ZNRF3: variants seen among roughly 807,000 people sequenced by gnomAD.
ZNRF3 encodes the protein zinc and ring finger 3.
ZNRF3 carries 23 observed loss-of-function variants against 72.5 expected under a neutral mutation model. The observed-to-expected ratio is 0.32, with a 90% confidence interval of 0.23 to 0.45. The LOEUF is 0.45. Among genes scored for constraint, ZNRF3 ranks in the 20% least tolerant of loss-of-function variants. ZNRF3 has a pLI of 1.00. For missense variants in ZNRF3, 1,169 were observed against 1,272.1 expected (o/e 0.92, Z 1.23); for synonymous variants, 610 against 545.3 (o/e 1.12, Z -1.65).
intron 2 of ZNRF3, among the ~76,000 whole-genome samples, chr22:29,021,852 T>G (rs1430614150): frequency 6.6e-6 from 1 of 152,058 alleles, no homozygotes; most frequent in Non-Finnish European, 1.5e-5. Context: ...AAGTGCACAA[T>G]TTGTTAAGGT....
intron 2 of ZNRF3, chr22:29,025,280 C>G (rs2036611200): frequency 6.6e-6 from 1 of 152,176 alleles, no homozygotes; most frequent in Non-Finnish European, 1.5e-5. Flanking sequence ...CCATACCCAG[C>G]CTCTATGCCA....
At chr22:28,907,655 T>G (rs1333146391) in intron 1 of ZNRF3, among the ~76,000 whole-genome samples, 1 of 152,230 alleles carries the variant, frequency 6.6e-6, no homozygotes, top group Non-Finnish European at 1.5e-5. Context: ...CTGCAGAGTT[T>G]CATTGTCTGA....
intron 1 of ZNRF3, among the ~76,000 whole-genome samples, chr22:28,983,634 G>A (rs1030829436): frequency 6.6e-5 from 10 of 152,134 alleles, no homozygotes; most frequent in African/African-American, 2.2e-4. Flanking sequence ...AAGTCTTTGC[G>A]TCATGGATGT....
chr22:28,949,061 C>T (rs1445199300), intron 1 of ZNRF3, among the ~76,000 whole-genome samples: 1 of 152,094 alleles, frequency 6.6e-6, no homozygotes, highest in African/African-American at 2.4e-5. Flanking sequence ...CTCACTGCAA[C>T]CTCTGCCTTC....
intron 1 of ZNRF3, among the ~76,000 whole-genome samples, chr22:28,979,193 C>G (rs2035724724): frequency 6.6e-6 from 1 of 152,190 alleles, no homozygotes; most frequent in African/African-American, 2.4e-5. Context: ...AGCCATCGTC[C>G]TGGGATTTCT....
chr22:29,037,635 T>C (rs1262576300), intron 2 of ZNRF3, among the ~76,000 whole-genome samples: 1 of 152,174 alleles, frequency 6.6e-6, no homozygotes, highest in Non-Finnish European at 1.5e-5. Context: ...AGGGCGCAAG[T>C]GTTTGCTCTT....
intron 1 of ZNRF3, among the ~76,000 whole-genome samples, chr22:28,961,976 G>A (rs1249144261): frequency 1.3e-5 from 2 of 152,130 alleles, no homozygotes; most frequent in Non-Finnish European, 2.9e-5. Context: ...ATTCAAGCTG[G>A]TCCTGACTTT....
intron 2 of ZNRF3, among the ~76,000 whole-genome samples, chr22:29,007,015 G>A (rs983972330): frequency 6.6e-6 from 1 of 152,238 alleles, no homozygotes; most frequent in Non-Finnish European, 1.5e-5. Context: ...CATTCCTACT[G>A]TATGCCAGGT....
intron 1 of ZNRF3, among the ~76,000 whole-genome samples, chr22:28,900,416 C>T (rs1438410852): frequency 6.6e-6 from 1 of 152,182 alleles, no homozygotes; most frequent in Middle Eastern, 3.2e-3. Context: ...GCAAATGGTG[C>T]CTTGCATGAT....
chr22:28,981,507 T>C lies in ZNRF3; in HGVS notation c.301-5569T>C, dbSNP rs899601609. Among the ~76,000 whole-genome samples, 60 of 152,108 alleles carry C rather than the reference T, an allele frequency of 3.9e-4. 1 individual carries two copies. Among genetic ancestry groups the C allele is most frequent in the Admixed American group, 2.7e-3 (41 of 15,270 alleles). ...GCCTGGTTTAGGGCCTAGTATTTCT[T>C]AGGAGAAAGTAGAAATAAAGGTTTC... On this transcript the variant is annotated intron_variant, in intron 1 of 8. Transcript: ENST00000544604.
intron 1 of ZNRF3, among the ~76,000 whole-genome samples, chr22:28,967,907 C>CA (rs2035501833): frequency 7.4e-6 from 1 of 135,494 alleles, no homozygotes; most frequent in Non-Finnish European, 1.5e-5. Flanking sequence ...GCCTAGGTGA[C>CA]AGAGTGACAC....
At chr22:28,969,561 A>G (rs928081516) in intron 1 of ZNRF3, among the ~76,000 whole-genome samples, 2 of 152,196 alleles carry the variant, frequency 1.3e-5, no homozygotes, top group South Asian at 4.1e-4. Context: ...TGGGAGGAAC[A>G]GCAGGGAGGC....
At chr22:29,027,900 C>G (rs1329560743) in intron 2 of ZNRF3, among the ~76,000 whole-genome samples, 1 of 152,158 alleles carries the variant, frequency 6.6e-6, no homozygotes, top group East Asian at 1.9e-4. Context: ...GTTGGCCAGC[C>G]TGGCTTTGGT....
At chr22:28,888,676 A>G (rs892112181) in intron 1 of ZNRF3, among the ~76,000 whole-genome samples, 26 of 152,228 alleles carry the variant, frequency 1.7e-4, no homozygotes, top group Non-Finnish European at 2.2e-4. Flanking sequence ...ACTGCCAAGC[A>G]TGTCATGTTT....
chr22:28,912,904 G>C (rs1411146567), intron 1 of ZNRF3, among the ~76,000 whole-genome samples: 1 of 152,104 alleles, frequency 6.6e-6, no homozygotes, highest in East Asian at 1.9e-4. Context: ...GACCTCAGGT[G>C]ATCCACCCAT....
chr22:29,008,368 C>T (rs1569279494), intron 2 of ZNRF3, among the ~76,000 whole-genome samples: 1 of 152,206 alleles, frequency 6.6e-6, no homozygotes, highest in Non-Finnish European at 1.5e-5. Flanking sequence ...GATGGTTTCA[C>T]TTATTCCATG....
intron 1 of ZNRF3, among the ~76,000 whole-genome samples, chr22:28,950,845 C>G (rs2035147483): frequency 6.6e-6 from 1 of 152,200 alleles, no homozygotes; most frequent in Non-Finnish European, 1.5e-5. Context: ...ATGACTCCAT[C>G]TAAAGCCGTA....
intron 1 of ZNRF3, among the ~76,000 whole-genome samples, chr22:28,940,469 C>A (rs1307068014): frequency 6.7e-6 from 1 of 148,666 alleles, no homozygotes; most frequent in East Asian, 1.9e-4. Flanking sequence ...TTTTGGAGGG[C>A]AGTTACAGAG....
intron 1 of ZNRF3, among the ~76,000 whole-genome samples, chr22:28,927,373 GTGAAACCC>G (rs1459135481): frequency 6.6e-6 from 1 of 152,104 alleles, no homozygotes; most frequent in African/African-American, 2.4e-5. Flanking sequence ...GGCTAACACA[GTGAAACCC>G]TGTCTCTACC....
Sources: gnomAD v4.1 joint callset for allele counts (sites outside exome capture counted in the v4.1 genomes callset) on GRCh38, gnomAD v4.1.1 for gene constraint, MANE v1.5 for transcripts, NCBI Gene and HGNC (gene_info 2026-07-23, HGNC 2026-07-21) for gene names.